ODAD1: variants seen among roughly 807,000 people sequenced by gnomAD.
ODAD1 encodes the protein outer dynein arm-docking complex subunit 1.
Under a neutral mutation model 67.2 loss-of-function variants are expected in ODAD1, and 49 were observed. The ratio of observed to expected loss-of-function variants is 0.73; its 90% CI spans 0.58 to 0.92. ODAD1 has a LOEUF of 0.92. ODAD1 is among the 40% of genes least tolerant of loss of function. The pLI is 0.00. For missense variants in ODAD1, 897 were observed against 953.7 expected (o/e 0.94, Z 0.78); for synonymous variants, 345 against 393.7 (o/e 0.88, Z 1.46).
Position 48,296,867 on chromosome 19 carries a change from G to C in ODAD1, c.*109C>G, listed in dbSNP as rs551988127. The stretch of plus-strand genomic sequence containing the variant: ...TGAAGGGGCAAAAAGACAGAGGCCT[G>C]CCACTGGGAGAAAAAGACAGAGACC... On this transcript the variant is annotated 3_prime_UTR_variant, in exon 16 of 16. Transcript: ENST00000674294. The C allele has an allele frequency of 6.5e-5, 93 of 1,437,978 alleles. 2 individuals carry two copies. The South Asian group carries it at 1.3e-3, about 20-fold the overall frequency. The allele number at this position is 1,437,978 out of a possible 1,614,324, so 89.1% of individuals were successfully genotyped here.
At position 48,304,021 on chromosome 19, in the gene ODAD1, T is replaced by C. The variant is rs575514518; in HGVS notation, c.785A>G (p.His262Arg). The C allele has an allele frequency of 4.1e-5, 66 of 1,614,208 alleles. No individual in the cohort carries two copies. The South Asian group carries it at 6.9e-4, about 17-fold the overall frequency. ...RQILHLEQLH[H>R]FLKLKNNDRQ... Reference sequence around the variant, plus strand: ...GTCGTTGTTCTTGAGCTTGAGGAAGTGGTGCAGCTGCTCCAGGTGCAAGAT... The same window carrying C: ...GTCGTTGTTCTTGAGCTTGAGGAAGCGGTGCAGCTGCTCCAGGTGCAAGAT... The change falls in exon 9 of 16, where the codon CAC becomes CGC. Residue 262 changes from histidine (H) to arginine (R), a missense_variant. Coordinates refer to ENST00000674294, the MANE Select transcript of ODAD1 (RefSeq NM_001364171.2).
rs1968514924 is a variant in ODAD1 at position 48,303,137 on chromosome 19, A to G, written c.989-42T>C. Reference sequence around the variant, plus strand: ...AGGCGGGGCCCAGAGAGAGGGAGACAGAGAAACAGAGACAGAGAGAACAGA... The same window carrying G: ...AGGCGGGGCCCAGAGAGAGGGAGACGGAGAAACAGAGACAGAGAGAACAGA... On this transcript the variant is annotated intron_variant, in intron 10 of 15. Coordinates refer to ENST00000674294, the MANE Select transcript of ODAD1 (RefSeq NM_001364171.2). 4 of 1,395,240 alleles carry G rather than the reference A, an allele frequency of 2.9e-6. No individual in the cohort carries two copies. In the African/African-American group the frequency reaches 5.7e-5, roughly 20 times the overall value. The allele number at this position is 1,395,240 out of a possible 1,614,324, so 86.4% of individuals were successfully genotyped here.
intron 3 of ODAD1, 36 bp from the exon 4 acceptor site, chr19:48,318,848 T>C (rs1339508653): frequency 1.5e-6 from 2 of 1,371,200 alleles, no homozygotes; most frequent in African/African-American, 1.4e-5. Context: ...TCAGCAGGGA[T>C]CCTGGCCACC....
chr19:48,319,463 C>A, intron 3 of ODAD1: 2 of 984,956 alleles, frequency 2.0e-6, no homozygotes, highest in Non-Finnish European at 2.4e-6. Context: ...TGCTCCCCAT[C>A]TCCAAAGGCC....
rs573338198 is a variant in ODAD1 at position 48,321,421 on chromosome 19, A to C, written c.-64+257T>G. ...GAGACCTGTGAGGAGAGTGAGTGGG[A>C]AGAACTTCGAGGGGCGGGGCTTCGG... On this transcript the variant is annotated intron_variant, in intron 1 of 15. Transcript: ENST00000674294. 8.0e-4 allele frequency: 136 copies of C among 170,788 alleles called. 1 individual carries two copies. The highest frequency in any genetic ancestry group is 3.0e-3 in the African/African-American group (128 of 42,144). The allele number at this position is 170,788 out of a possible 1,614,324, so 10.6% of individuals were successfully genotyped here. A position where few individuals can be genotyped will look rare whatever the true frequency, so the allele number is the denominator to read the frequency against.
At chr19:48,299,443 T>G (rs1421559488) in intron 12 of ODAD1, among the ~76,000 whole-genome samples, 1 of 151,930 alleles carries the variant, frequency 6.6e-6, no homozygotes, top group Non-Finnish European at 1.5e-5. Context: ...AATAAATGTT[T>G]TAAAAAAGAG....
At chr19:48,320,107 C>T in intron 3 of ODAD1, 192 bp downstream of exon 3, 1 of 1,009,270 alleles carries the variant, frequency 9.9e-7, no homozygotes, top group Non-Finnish European at 1.2e-6. Flanking sequence ...CTGAAGTCTC[C>T]AGCCTGCCCC....
At chr19:48,305,341 G>A (rs916560122) in intron 8 of ODAD1, among the ~76,000 whole-genome samples, 4 of 151,760 alleles carry the variant, frequency 2.6e-5, no homozygotes, top group South Asian at 2.1e-4. Context: ...CAATGCTGAC[G>A]AATAACAAAT....
rs200697095 is a variant in ODAD1 at position 48,302,777 on chromosome 19, C to T, written c.1157G>A (p.Arg386His). ...AGCCTCCGAGTGCACCTTGTCCATG[C>T]GCTGCTGCAACACCTTCTGCTGCTG... ...QEQQQKVLQQ[R>H]MDKVHSEAER... Residue 386 changes from arginine (R) to histidine (H), a missense_variant, in exon 12 of 16, where the codon CGC becomes CAC. Transcript: ENST00000674294. The T allele has an allele frequency of 2.8e-5, 45 of 1,613,814 alleles. No individual in the cohort carries two copies. Among genetic ancestry groups the T allele is most frequent in the African/African-American group, 2.1e-4 (16 of 74,928 alleles).
intron 12 of ODAD1, among the ~76,000 whole-genome samples, chr19:48,299,345 A>G (rs1176679643): frequency 1.3e-5 from 2 of 151,924 alleles, no homozygotes; most frequent in Admixed American, 6.6e-5. Context: ...CGGGAGATGG[A>G]CGTTGCAGTA....
In ODAD1 at chr19:48,297,408, G is replaced by A. The variant is rs1269398752; in HGVS notation, c.1692C>T (p.Gly564=). Residue 564 remains glycine (G), a synonymous_variant, in exon 16 of 16, where the codon GGC becomes GGT. Coordinates refer to ENST00000674294, the MANE Select transcript of ODAD1 (RefSeq NM_001364171.2). The part of the protein sequence containing the change: ...SVDLASTQRA[G]SSTVLVPTRH... The stretch of plus-strand genomic sequence containing the variant: ...TGGTGGGCACCAGGACGGTACTGGA[G>A]CCGGCCCTCTGGGTGCTGGCCAGGT... 6.2e-7 allele frequency: 1 copy of A among 1,605,616 alleles called. No individual in the cohort carries two copies. Among genetic ancestry groups the A allele is most frequent in the Non-Finnish European group, 8.5e-7 (1 of 1,179,862 alleles).
Position 48,318,425 on chromosome 19 carries a change from C to G in ODAD1, c.322G>C (p.Glu108Gln). ...GCCCTGGTCTGCTCCTGCAGCTCCT[C>G]GATCTCCGCCTGCACCTGGGCCCGG... is the stretch of plus-strand genomic sequence containing the variant. The part of the protein sequence containing the change: ...KGRAQVQAEI[E>Q]ELQEQTRALD... Residue 108 changes from glutamate (E) to glutamine (Q), a missense_variant, in exon 5 of 16, where the codon GAG becomes CAG. Glu to Gln is a conservative substitution (Grantham distance 29). Coordinates refer to ENST00000674294, the MANE Select transcript of ODAD1 (RefSeq NM_001364171.2). The G allele has an allele frequency of 6.4e-7, 1 of 1,551,656 alleles. No individual in the cohort carries two copies. Among genetic ancestry groups the G allele is most frequent in the Non-Finnish European group, 8.7e-7 (1 of 1,146,982 alleles).
chr19:48,317,162 A>G (rs902074452), intron 5 of ODAD1, among the ~76,000 whole-genome samples: 4 of 152,116 alleles, frequency 2.6e-5, no homozygotes, highest in East Asian at 1.9e-4. Flanking sequence ...GGTTTTTTCA[A>G]TGAAGGCTAG....
At chr19:48,313,753 G>A (rs1314550493) in intron 5 of ODAD1, among the ~76,000 whole-genome samples, 1 of 151,966 alleles carries the variant, frequency 6.6e-6, no homozygotes, top group Non-Finnish European at 1.5e-5. Flanking sequence ...GCATGGTGGT[G>A]CACACCTGTA....
At chr19:48,308,458 G>A (rs1223952753) in intron 7 of ODAD1, among the ~76,000 whole-genome samples, 5 of 152,216 alleles carry the variant, frequency 3.3e-5, no homozygotes, top group African/African-American at 1.2e-4. Context: ...TTACAGGCAT[G>A]AGCCACCACA....
In ODAD1 at chr19:48,302,748, G is replaced by A. The variant is rs373501045; in HGVS notation, c.1186C>T (p.Arg396Cys). Residue 396 changes from arginine to cysteine, a missense_variant, in exon 12 of 16, where the codon CGC (arginine) becomes TGC (cysteine). By Grantham distance (180) the Arg-to-Cys change is radical. Coordinates refer to ENST00000674294, the MANE Select transcript of ODAD1 (RefSeq NM_001364171.2). ...RMDKVHSEAE[R>C]LEARFQDVRG... ...ACATCCTGGAAGCGGGCCTCAAGGC[G>A]CTCAGCCTCCGAGTGCACCTTGTCC... 58 of 1,613,238 alleles carry A rather than the reference G, an allele frequency of 3.6e-5. No homozygotes were observed. The highest frequency in any genetic ancestry group is 3.1e-4 in the South Asian group (28 of 91,088).
intron 10 of ODAD1, chr19:48,303,388 G>A: frequency 1.6e-6 from 1 of 606,070 alleles, no homozygotes. Flanking sequence ...ATATGGGTAA[G>A]GAGAGAAACA....
rs777717616 is a variant in ODAD1 at position 48,298,177 on chromosome 19, C to T, written c.1404G>A (p.Gln468=). The T allele has an allele frequency of 6.2e-7, 1 of 1,612,760 alleles. No individual in the cohort carries two copies. Among genetic ancestry groups the T allele is most frequent in the Admixed American group, 1.7e-5 (1 of 59,998 alleles). ...GTCCCGGCTCCCTGCCGTCTCCCAC[C>T]TGGGCATGTAGGAAGGCCTGCACTG... ...LLTVQAFLHA[Q]SFTSLADAAL... is the part of the protein sequence containing the mutation. Residue 468 remains glutamine (Q), a splice_region_variant and synonymous_variant, in exon 13 of 16, where the codon CAG becomes CAA. Transcript: ENST00000674294.
chr19:48,313,447 CCAA>C (rs1968822466), intron 5 of ODAD1, among the ~76,000 whole-genome samples: 1 of 74,516 alleles, frequency 1.3e-5, no homozygotes, highest in Admixed American at 1.1e-4. Context: ...AAAAAAAAAA[CCAA>C]AAAAAAACCT....
Sources: gnomAD v4.1 joint callset for allele counts (sites outside exome capture counted in the v4.1 genomes callset) on GRCh38, gnomAD v4.1.1 for gene constraint, MANE v1.5 for transcripts, NCBI Gene and HGNC (gene_info 2026-07-23, HGNC 2026-07-21) for gene names.